Variants in TLL1 observed in about 807,000 individuals in gnomAD.
The protein encoded by TLL1 is tolloid like 1.
Under a neutral mutation model 128.2 loss-of-function variants are expected in TLL1, and 49 were observed. The observed-to-expected ratio is 0.38, with a 90% CI of 0.30 to 0.48. TLL1 has a LOEUF of 0.48. Ranked by LOEUF, TLL1 falls within the 20% of genes least tolerant of loss-of-function variation. The pLI, the probability that TLL1 is intolerant of heterozygous loss-of-function variation, is 0.96. For synonymous variants in TLL1, 454 were observed against 418.8 expected (o/e 1.08, Z -1.03); for missense variants, 1,123 against 1,242.0 (o/e 0.90, Z 1.44).
In TLL1 at chr4:166,003,499, C is replaced by A. The variant is rs773541007; in HGVS notation, c.741C>A (p.Gly247=). Residue 247 remains glycine, a synonymous_variant, in exon 6 of 21, where the codon GGC becomes GGA. Transcript: ENST00000061240. ...IVVHELGHVI[G]FWHEHTRPDR... ...TTCATGAATTGGGTCATGTGATAGG[C>A]TTTTGGCATGAACACACAAGACCAG... The A allele has an allele frequency of 6.2e-7, 1 of 1,613,988 alleles. No individual in the cohort carries two copies.
chr4:166,064,644 C>T (rs1362489009), intron 15 of TLL1, among the ~76,000 whole-genome samples: 1 of 152,022 alleles, frequency 6.6e-6, no homozygotes. Context: ...ATGGGTTAGG[C>T]TTAAAACATC....
intron 1 of TLL1, among the ~76,000 whole-genome samples, chr4:165,887,196 T>C (rs1263044002): frequency 6.6e-6 from 1 of 152,156 alleles, no homozygotes; most frequent in African/African-American, 2.4e-5. Flanking sequence ...TTGATTATAG[T>C]CATATGTTAT....
intron 1 of TLL1, among the ~76,000 whole-genome samples, chr4:165,922,586 A>G (rs906383824): frequency 5.3e-5 from 8 of 152,240 alleles, no homozygotes; most frequent in Non-Finnish European, 8.8e-5. Flanking sequence ...ATTACATGAC[A>G]CTGTAAAATC....
Position 166,102,464 on chromosome 4 carries a change from C to G in TLL1, c.*1588C>G, listed in dbSNP as rs1025010415. 1 of 152,280 alleles carries G rather than the reference C, an allele frequency of 6.6e-6. No homozygotes were observed. The highest frequency in any genetic ancestry group is 2.4e-5 in the African/African-American group (1 of 41,396). 9.4% of individuals were successfully genotyped at this position (152,280 alleles called of 1,614,324 possible). On this transcript the variant is annotated 3_prime_UTR_variant, in exon 21 of 21. Transcript: ENST00000061240. ...GTATGTGCCAAGTTCTACTAGAATT[C>G]CATTTGAAATAGCACCTTCCTTAGG... is the stretch of plus-strand genomic sequence containing the variant.
At position 166,096,134 on chromosome 4, in the gene TLL1, C is replaced by A. The variant is rs780121206; in HGVS notation, c.2657-3143C>A. ...CAGTAATTACAGTTTAATAAAATCA[C>A]ACCTCTTTTGCATATAGCATTCAAA... On this transcript the variant is annotated intron_variant, in intron 19 of 20. Coordinates refer to ENST00000061240, the MANE Select transcript of TLL1 (RefSeq NM_012464.5). 4.0e-5 allele frequency among the ~76,000 whole-genome samples: 6 copies of A among 151,524 alleles called. 1 individual carries two copies. In the South Asian group the frequency reaches 6.2e-4, roughly 16 times the overall value.
intron 1 of TLL1, among the ~76,000 whole-genome samples, chr4:165,944,739 GA>G (rs890345665): frequency 6.6e-6 from 1 of 151,866 alleles, no homozygotes; most frequent in African/African-American, 2.4e-5. Context: ...GTGGTTAGTG[GA>G]AAAAAATAAG....
intron 1 of TLL1, among the ~76,000 whole-genome samples, chr4:165,905,388 G>A (rs1341430993): frequency 1.3e-5 from 2 of 152,140 alleles, no homozygotes; most frequent in South Asian, 2.1e-4. Flanking sequence ...AAGCTGTTAA[G>A]ATTGAAATTC....
chr4:166,099,010 A>C (rs1361916279), intron 19 of TLL1, among the ~76,000 whole-genome samples: 2 of 152,116 alleles, frequency 1.3e-5, no homozygotes, highest in Non-Finnish European at 2.9e-5. Context: ...ACCCTTGAGA[A>C]AAATATGGCT....
At chr4:165,902,426 T>A (rs1004993752) in intron 1 of TLL1, among the ~76,000 whole-genome samples, 3 of 152,188 alleles carry the variant, frequency 2.0e-5, no homozygotes, top group Non-Finnish European at 4.4e-5. Flanking sequence ...CCTGAGGGAA[T>A]CTTCTGATCT....
chr4:166,051,984 A>G (rs1739761224), intron 12 of TLL1, among the ~76,000 whole-genome samples: 1 of 152,190 alleles, frequency 6.6e-6, no homozygotes, highest in Non-Finnish European at 1.5e-5. Flanking sequence ...ATTTAAAATT[A>G]CAATTTTTAC....
intron 1 of TLL1, among the ~76,000 whole-genome samples, chr4:165,938,350 G>A (rs1733856899): frequency 6.6e-6 from 1 of 152,080 alleles, no homozygotes; most frequent in South Asian, 2.1e-4. Flanking sequence ...GTGTTCTGCA[G>A]TTTCTCAAAC....
intron 1 of TLL1, among the ~76,000 whole-genome samples, chr4:165,952,413 T>C (rs1734568611): frequency 6.6e-6 from 1 of 152,160 alleles, no homozygotes; most frequent in South Asian, 2.1e-4. Flanking sequence ...TAATTCTAAA[T>C]TATGCATTAA....
At chr4:166,057,406 C>G in intron 14 of TLL1, 97 bp downstream of exon 14, 2 of 1,514,188 alleles carry the variant, frequency 1.3e-6, no homozygotes, top group Non-Finnish European at 1.8e-6. Context: ...TCCCTTTTTC[C>G]TATAGTGACC....
chr4:166,059,331 T>G (rs995561590), intron 14 of TLL1, among the ~76,000 whole-genome samples: 1 of 152,134 alleles, frequency 6.6e-6, no homozygotes, highest in Admixed American at 6.6e-5. Context: ...TTACTCAGCT[T>G]GCTTTTGGAT....
At chr4:166,047,751 T>G (rs1739526474) in intron 12 of TLL1, among the ~76,000 whole-genome samples, 1 of 152,122 alleles carries the variant, frequency 6.6e-6, no homozygotes, top group South Asian at 2.1e-4. Flanking sequence ...GAACACTATT[T>G]GGCAGGTAAT....
intron 1 of TLL1, among the ~76,000 whole-genome samples, chr4:165,967,701 T>A (rs1283956515): frequency 6.6e-6 from 1 of 152,122 alleles, no homozygotes; most frequent in East Asian, 1.9e-4. Context: ...GGTGAGAGCA[T>A]GATGGGACAT....
intron 10 of TLL1, among the ~76,000 whole-genome samples, chr4:166,040,380 A>G (rs1443861592): frequency 6.6e-6 from 1 of 152,212 alleles, no homozygotes; most frequent in Non-Finnish European, 1.5e-5. Flanking sequence ...TTCTTAGCCT[A>G]GATGAAGCAA....
intron 15 of TLL1, among the ~76,000 whole-genome samples, chr4:166,064,598 A>T (rs1740487779): frequency 6.6e-6 from 1 of 152,146 alleles, no homozygotes; most frequent in South Asian, 2.1e-4. Context: ...GCTATTTAAA[A>T]TAAAAGGCCT....
intron 1 of TLL1, among the ~76,000 whole-genome samples, chr4:165,899,949 T>C (rs1418135524): frequency 6.6e-6 from 1 of 152,214 alleles, no homozygotes; most frequent in Admixed American, 6.5e-5. Flanking sequence ...TTTTGTTGGA[T>C]TGATCCCTTT....
Sources: gnomAD v4.1 joint callset for allele counts (sites outside exome capture counted in the v4.1 genomes callset) on GRCh38, gnomAD v4.1.1 for gene constraint, MANE v1.5 for transcripts, NCBI Gene and HGNC (gene_info 2026-07-23, HGNC 2026-07-21) for gene names.